The following CCDC195 variants were observed in gnomAD, a reference collection of about 807,000 sequenced individuals.
CCDC195 encodes coiled-coil domain containing 195, also known as coiled-coil domain-containing protein 195.
At chr2:224,706,513 T>A (rs1258152561) in intron 2 of CCDC195, among the ~76,000 whole-genome samples, 8 of 144,678 alleles carry the variant, frequency 5.5e-5, no homozygotes, top group Admixed American at 4.8e-4. Context: ...CTGTAACTTT[T>A]TTTTTTTTTT....
intron 2 of CCDC195, among the ~76,000 whole-genome samples, chr2:224,707,858 A>T (rs1689233662): frequency 6.6e-6 from 1 of 152,198 alleles, no homozygotes; most frequent in African/African-American, 2.4e-5. Flanking sequence ...AGGAAAAGTT[A>T]TATAAGACTT....
In CCDC195 at chr2:224,706,189, C is replaced by CTTTTTTTTTTTTTTTTTTTTTTTTT. The variant is rs201012911; in HGVS notation, c.483-2327_483-2303dup. On this transcript the variant is annotated intron_variant, in intron 2 of 2. Transcript: ENST00000638102. ...TGTATATTGCCTCTATATTTTGTAA[C>CTTTTTTTTTTTTTTTTTTTTTTTTT]TTTTTTTTTTTTTTTTTTTTTTTTT... 7.8e-4 allele frequency among the ~76,000 whole-genome samples: 26 copies of CTTTTTTTTTTTTTTTTTTTTTTTTT among 33,338 alleles called. 11 individuals are homozygous for CTTTTTTTTTTTTTTTTTTTTTTTTT. The highest frequency in any genetic ancestry group is 2.2e-3 in the African/African-American group (14 of 6,368). 21.9% of individuals were successfully genotyped at this position (33,338 alleles called of 152,430 possible).
chr2:224,712,012 C>T (rs2124852898), intron 1 of CCDC195, among the ~76,000 whole-genome samples: 1 of 152,306 alleles, frequency 6.6e-6, no homozygotes. Context: ...ATAAAACAAT[C>T]CCTTGATACT....
At chr2:224,710,787 G>A (rs768149324) in intron 1 of CCDC195, among the ~76,000 whole-genome samples, 11 of 152,172 alleles carry the variant, frequency 7.2e-5, no homozygotes, top group Non-Finnish European at 1.0e-4. Context: ...GTGGAAGACA[G>A]ACAGTAAACA....
chr2:224,714,923 C>CT (rs906695491), intron 1 of CCDC195, among the ~76,000 whole-genome samples: 8 of 151,102 alleles, frequency 5.3e-5, no homozygotes, highest in African/African-American at 4.9e-5. Flanking sequence ...TTCAGAGCTT[C>CT]TTTTTTTTTC....
chr2:224,705,628 GGAATAATATAAT>G, intron 2 of CCDC195, among the ~76,000 whole-genome samples: 1 of 152,150 alleles, frequency 6.6e-6, no homozygotes, highest in Non-Finnish European at 1.5e-5. Context: ...AATAATCAGA[GGAATAATATAAT>G]GACATTTTAC....
At chr2:224,708,418 T>C (rs1417003965) in intron 2 of CCDC195, among the ~76,000 whole-genome samples, 1 of 152,210 alleles carries the variant, frequency 6.6e-6, no homozygotes, top group African/African-American at 2.4e-5. Context: ...TTTACTACTT[T>C]TAGTTTCTCT....
intron 1 of CCDC195, among the ~76,000 whole-genome samples, chr2:224,714,440 C>T (rs1689357233): frequency 6.6e-6 from 1 of 151,976 alleles, no homozygotes. Context: ...CGGTGGTTTT[C>T]AATGGTGGAT....
At chr2:224,706,189 C>CTTTT (rs201012911) in intron 2 of CCDC195, among the ~76,000 whole-genome samples, 422 of 33,370 alleles carry the variant, frequency 0.013, 151 homozygotes, top group African/African-American at 0.036. Flanking sequence ...TATTTTGTAA[C>CTTTT]TTTTTTTTTT....
intron 2 of CCDC195, among the ~76,000 whole-genome samples, chr2:224,706,190 T>A (rs1166897115): frequency 3.8e-5 from 1 of 26,086 alleles, no homozygotes; most frequent in South Asian, 1.2e-3. Flanking sequence ...ATTTTGTAAC[T>A]TTTTTTTTTT....
At chr2:224,708,488 AT>A (rs1689256110) in intron 2 of CCDC195, among the ~76,000 whole-genome samples, 1 of 150,992 alleles carries the variant, frequency 6.6e-6, no homozygotes. Flanking sequence ...TGACCTTTCC[AT>A]TTTTCTTTGG....
intron 1 of CCDC195, among the ~76,000 whole-genome samples, chr2:224,712,991 C>T (rs1303261450): frequency 6.6e-6 from 1 of 152,086 alleles, no homozygotes; most frequent in Non-Finnish European, 1.5e-5. Flanking sequence ...GCCTCAACCT[C>T]CCGAGTAGCT....
At chr2:224,716,285 G>C (rs1689381726) in exon 1 of CCDC195, 1 of 398,514 alleles carries the variant, frequency 2.5e-6, no homozygotes, top group Non-Finnish European at 4.4e-6. Flanking sequence ...TCATCCGGAG[G>C]GCTTGATTCT....
At chr2:224,708,550 T>G (rs1223352348) in intron 2 of CCDC195, among the ~76,000 whole-genome samples, 1 of 152,218 alleles carries the variant, frequency 6.6e-6, no homozygotes, top group East Asian at 1.9e-4. Context: ...GCTCCTATGA[T>G]AGAACCTTCT....
At chr2:224,706,673 G>A (rs1017281854) in intron 2 of CCDC195, among the ~76,000 whole-genome samples, 6 of 150,722 alleles carry the variant, frequency 4.0e-5, no homozygotes, top group Non-Finnish European at 8.9e-5. Context: ...ACCACGCCTG[G>A]CTAATTTTTG....
chr2:224,714,235 A>G (rs1323116333), intron 1 of CCDC195, among the ~76,000 whole-genome samples: 2 of 152,236 alleles, frequency 1.3e-5, no homozygotes, highest in Non-Finnish European at 2.9e-5. Context: ...TTTAACTCTT[A>G]TGAATATGTT....
intron 2 of CCDC195, among the ~76,000 whole-genome samples, chr2:224,706,509 CTTTTTTT>C (rs35298629): frequency 2.1e-5 from 2 of 95,732 alleles, no homozygotes; most frequent in East Asian, 3.2e-4. Context: ...CTGGCTGTAA[CTTTTTTT>C]TTTTTTTTTT....
At chr2:224,711,065 T>C (rs1689313771) in intron 1 of CCDC195, among the ~76,000 whole-genome samples, 1 of 152,232 alleles carries the variant, frequency 6.6e-6, no homozygotes, top group African/African-American at 2.4e-5. Context: ...AACAGGCTTA[T>C]CCACAGTGTC....
intron 1 of CCDC195, among the ~76,000 whole-genome samples, chr2:224,713,599 A>C (rs1689347385): frequency 6.6e-6 from 1 of 152,210 alleles, no homozygotes; most frequent in Non-Finnish European, 1.5e-5. Context: ...AATTCAATCC[A>C]GGTGTCTTCA....
Sources: allele counts gnomAD v4.1 joint callset (sites outside exome capture counted in the v4.1 genomes callset), GRCh38; gene constraint gnomAD v4.1.1; transcripts MANE v1.5; gene names NCBI Gene and HGNC (gene_info 2026-07-23, HGNC 2026-07-21).